FUT8: variants seen among roughly 807,000 people sequenced by gnomAD.
The protein encoded by FUT8 is fucosyltransferase 8, also known as alpha-(1,6)-fucosyltransferase.
A neutral mutation model predicts 71.3 loss-of-function variants in FUT8; 29 were observed. The observed-to-expected ratio is 0.41, with a 90% confidence interval of 0.30 to 0.55. The LOEUF (loss-of-function observed/expected upper bound fraction) is 0.55. FUT8 is among the 20% of genes least tolerant of loss of function. The pLI is 0.34. For missense variants in FUT8, 544 were observed against 702.1 expected, an observed-to-expected ratio of 0.77 and a Z score of 2.55; for synonymous variants, 254 against 239.3, an observed-to-expected ratio of 1.06 and a Z score of -0.57.
chr14:65,668,195 G>C (rs1892309244), intron 6 of FUT8, among the ~76,000 whole-genome samples: 1 of 152,118 alleles, frequency 6.6e-6, no homozygotes, highest in Non-Finnish European at 1.5e-5. Context: ...GCCAAAAGCA[G>C]TTGCAACAGA....
intron 2 of FUT8, among the ~76,000 whole-genome samples, chr14:65,528,252 G>A (rs1883646940): frequency 1.3e-5 from 2 of 152,148 alleles, no homozygotes; most frequent in African/African-American, 4.8e-5. Context: ...GCAATGGCAG[G>A]TACCCCTCCC....
At chr14:65,367,019 C>T in the FUT8 span, among the ~76,000 whole-genome samples, 1 of 152,172 alleles carries the variant, frequency 6.6e-6, no homozygotes, top group Non-Finnish European at 1.5e-5. Flanking sequence ...CTTAAGCAAC[C>T]GATTCCCTAA....
At chr14:65,398,078 C>G in the FUT8 span, among the ~76,000 whole-genome samples, 1 of 152,186 alleles carries the variant, frequency 6.6e-6, no homozygotes, top group Non-Finnish European at 1.5e-5. Context: ...ATTTAATGAG[C>G]ATCCATGTCT....
Position 65,616,496 on chromosome 14 carries a change from G to A in FUT8, c.482+123G>A, listed in dbSNP as rs9323462. The A allele has an allele frequency of 0.029, 23,814 of 823,040 alleles. 575 individuals carry two copies. Among genetic ancestry groups the A allele is most frequent in the East Asian group, 0.11 (4,046 of 38,406 alleles). The allele number at this position is 823,040 out of a possible 1,614,324, so 51.0% of individuals were successfully genotyped here. A position where few individuals can be genotyped will look rare whatever the true frequency, so the allele number is the denominator to read the frequency against. On this transcript the variant is annotated intron_variant, in intron 5 of 10. Transcript: ENST00000673929. The stretch of plus-strand genomic sequence containing the variant: ...TTAATAGCACCTACAATATTTAAGA[G>A]GCGAAGAGTACCTGAGGTCCCAAAG...
chr14:65,547,375 T>C (rs925439598), intron 2 of FUT8, among the ~76,000 whole-genome samples: 1 of 151,750 alleles, frequency 6.6e-6, no homozygotes, highest in African/African-American at 2.4e-5. Flanking sequence ...ATGTTTTGTG[T>C]AAGTATTGTC....
the FUT8 span, among the ~76,000 whole-genome samples, chr14:65,403,991 G>A: frequency 2.0e-5 from 3 of 151,646 alleles, no homozygotes; most frequent in Non-Finnish European, 4.4e-5. Context: ...TCCACCTCCC[G>A]GGTTCAAGTG....
chr14:65,513,804 C>T (rs558815002), intron 2 of FUT8, among the ~76,000 whole-genome samples: 35 of 152,218 alleles, frequency 2.3e-4, no homozygotes, highest in South Asian at 2.1e-3. Flanking sequence ...CGTGCTTCAC[C>T]GAAGGGGAGT....
In FUT8 at chr14:65,727,472, G is replaced by A. The variant is rs1255224167; in HGVS notation, c.1259+3149G>A. Among the ~76,000 whole-genome samples, 3 of 152,140 alleles carry A rather than the reference G, an allele frequency of 2.0e-5. No homozygotes were observed. In the East Asian group the frequency reaches 5.8e-4, roughly 29 times the overall value. On this transcript the variant is annotated intron_variant, in intron 9 of 10. Coordinates refer to ENST00000673929, the MANE Select transcript of FUT8 (RefSeq NM_001371533.1). ...AGGCTTGGGGCTTCCACCCTCTGAA[G>A]CAATAGTCTGAGCTGTATACTTTAG... is the stretch of plus-strand genomic sequence containing the variant.
chr14:65,595,121 T>C (rs1186520129), intron 3 of FUT8, among the ~76,000 whole-genome samples: 1 of 152,158 alleles, frequency 6.6e-6, no homozygotes, highest in Non-Finnish European at 1.5e-5. Flanking sequence ...CACTTTCAAA[T>C]GTGTATTCTT....
chr14:65,679,012 T>C (rs1892903678), intron 7 of FUT8, among the ~76,000 whole-genome samples: 1 of 152,204 alleles, frequency 6.6e-6, no homozygotes, highest in African/African-American at 2.4e-5. Flanking sequence ...GAAGCTATTA[T>C]TTAGTGCATC....
At chr14:65,477,745 G>C (rs1323385444) in intron 2 of FUT8, among the ~76,000 whole-genome samples, 2 of 152,072 alleles carry the variant, frequency 1.3e-5, no homozygotes, top group African/African-American at 4.8e-5. Flanking sequence ...GTTGATGAGA[G>C]AACTTTTCTC....
chr14:65,598,340 A>T (rs1036939621), intron 3 of FUT8, among the ~76,000 whole-genome samples: 3 of 152,002 alleles, frequency 2.0e-5, no homozygotes, highest in African/African-American at 7.3e-5. Flanking sequence ...CTCCTGCCTC[A>T]GCCTCCCAAG....
chr14:65,738,406 TC>T (rs1185058253), intron 10 of FUT8, among the ~76,000 whole-genome samples: 2 of 152,032 alleles, frequency 1.3e-5, no homozygotes, highest in Non-Finnish European at 2.9e-5. Flanking sequence ...ACTAATGGAT[TC>T]CTCCCCCTTT....
intron 3 of FUT8, among the ~76,000 whole-genome samples, chr14:65,566,567 T>C (rs1450001456): frequency 6.6e-6 from 1 of 151,974 alleles, no homozygotes; most frequent in Non-Finnish European, 1.5e-5. Context: ...TTGAGGAAGA[T>C]TTAGATTTTC....
chr14:65,487,042 A>T (rs1004895919), intron 2 of FUT8, among the ~76,000 whole-genome samples: 3 of 152,200 alleles, frequency 2.0e-5, no homozygotes, highest in African/African-American at 7.2e-5. Flanking sequence ...AATCAGCCAG[A>T]GCACAGTTAG....
At chr14:65,448,435 T>C (rs1403926691) in intron 1 of FUT8, among the ~76,000 whole-genome samples, 2 of 152,166 alleles carry the variant, frequency 1.3e-5, no homozygotes, top group African/African-American at 2.4e-5. Context: ...AGAATAATCA[T>C]AGACAATAAT....
At chr14:65,554,742 T>C (rs1024556712) in intron 2 of FUT8, among the ~76,000 whole-genome samples, 1 of 152,160 alleles carries the variant, frequency 6.6e-6, no homozygotes, top group South Asian at 2.1e-4. Flanking sequence ...GTTTGGAGCC[T>C]CGGTGCTGGA....
Position 65,660,626 on chromosome 14 carries a change from CTTGG to C in FUT8, c.598-8615_598-8612del, listed in dbSNP as rs1891911660. 6.6e-6 allele frequency among the ~76,000 whole-genome samples: 1 copy of C among 152,118 alleles called. No individual in the cohort carries two copies. On this transcript the variant is annotated intron_variant, in intron 6 of 10. Transcript: ENST00000673929. The surrounding 1 kb of genome is among the most constrained non-coding windows in gnomAD (Gnocchi z 4.1). ...CTGAGCTATTGTGTTGTCCTTACTA[CTTGG>C]TACAGATTAGATTGTTCTTTGCTAG...
At chr14:65,458,187 A>C (rs1419976179) in intron 2 of FUT8, 1 of 150,392 alleles carries the variant, frequency 6.6e-6, no homozygotes, top group African/African-American at 2.4e-5. Flanking sequence ...GTCTCAAAAA[A>C]AAAAAAAACA....
Sources: gnomAD v4.1 joint callset for allele counts (sites outside exome capture counted in the v4.1 genomes callset) on GRCh38, gnomAD v4.1.1 for gene constraint, Gnocchi (gnomAD v3.1) non-coding constraint, MANE v1.5 for transcripts, NCBI Gene and HGNC (gene_info 2026-07-23, HGNC 2026-07-21) for gene names.